The following PPP2CA variants were observed in gnomAD, a reference collection of about 807,000 sequenced individuals.
PPP2CA encodes serine/threonine-protein phosphatase 2A catalytic subunit alpha isoform.
Under a neutral mutation model 38.8 loss-of-function variants are expected in PPP2CA, and 5 were observed. The ratio of observed to expected loss-of-function variants is 0.13; its 90% CI spans 0.07 to 0.27. PPP2CA has a LOEUF of 0.27. Among genes scored for constraint, PPP2CA ranks in the 10% least tolerant of loss-of-function variants. PPP2CA has a pLI of 1.00. For synonymous variants in PPP2CA, 152 were observed against 134.0 expected (o/e 1.13, Z -0.93); for missense variants, 88 against 389.7 (o/e 0.23, Z 6.52).
chr5:134,204,937 ATT>A (rs5871527), intron 2 of PPP2CA, among the ~76,000 whole-genome samples: 9 of 138,676 alleles, frequency 6.5e-5, no homozygotes, highest in Admixed American at 2.2e-4. Flanking sequence ...CTTCCTCGAT[ATT>A]TTTTTTTTTT....
In PPP2CA at chr5:134,225,903, C is replaced by G. The variant is rs775586545; in HGVS notation, c.-42G>C. On this transcript the variant is annotated 5_prime_UTR_variant, in exon 1 of 7. Coordinates refer to ENST00000481195, the MANE Select transcript of PPP2CA (RefSeq NM_002715.4). ...GCCGGCTGCCGCTCCGCGCTGCTCCCGCGCCGCCGCCCGCACACGGGCCTA... is the reference window on the plus strand; with the variant it reads ...GCCGGCTGCCGCTCCGCGCTGCTCCGGCGCCGCCGCCCGCACACGGGCCTA... The G allele has an allele frequency of 6.3e-6, 10 of 1,576,440 alleles. No homozygotes were observed. Among genetic ancestry groups the G allele is most frequent in the Non-Finnish European group, 8.6e-6 (10 of 1,159,838 alleles).
rs73286521 is a variant in PPP2CA at position 134,222,737 on chromosome 5, T to C, written c.102+3023A>G. 6.9e-3 allele frequency among the ~76,000 whole-genome samples: 1,044 copies of C among 152,342 alleles called. 12 individuals carry two copies. Among genetic ancestry groups the C allele is most frequent in the African/African-American group, 0.024 (997 of 41,578 alleles). On this transcript the variant is annotated intron_variant, in intron 1 of 6. Coordinates refer to ENST00000481195, the MANE Select transcript of PPP2CA (RefSeq NM_002715.4). ...AAACATACCCGGCCAGTTATACTGA[T>C]GTAATGCTGATTATAGAACTGAGCC...
chr5:134,210,217 C>T (rs571686559), intron 1 of PPP2CA, among the ~76,000 whole-genome samples: 98 of 152,316 alleles, frequency 6.4e-4, no homozygotes, highest in African/African-American at 2.3e-3. Context: ...GGATCACCTC[C>T]AGAGCCTCCA....
At chr5:134,213,213 AATGT>A (rs1762244110) in intron 1 of PPP2CA, among the ~76,000 whole-genome samples, 1 of 152,212 alleles carries the variant, frequency 6.6e-6, no homozygotes, top group Admixed American at 6.6e-5. Flanking sequence ...GTTAGAGGCT[AATGT>A]AGCTGGTGAC....
chr5:134,216,691 C>T (rs953230030), intron 1 of PPP2CA, among the ~76,000 whole-genome samples: 10 of 151,818 alleles, frequency 6.6e-5, no homozygotes, highest in African/African-American at 1.7e-4. Flanking sequence ...TTTGTAGAAA[C>T]GGTGGTCTCA....
chr5:134,214,587 C>T (rs553201169), intron 1 of PPP2CA, among the ~76,000 whole-genome samples: 1 of 152,238 alleles, frequency 6.6e-6, no homozygotes, highest in East Asian at 1.9e-4. Flanking sequence ...ATTTAATTGG[C>T]ATTTTTCATT....
intron 1 of PPP2CA, among the ~76,000 whole-genome samples, chr5:134,208,472 T>C (rs568644759): frequency 3.9e-5 from 6 of 152,354 alleles, no homozygotes; most frequent in African/African-American, 1.2e-4. Flanking sequence ...TAAAATGAAA[T>C]GTTCCCTTTG....
intron 1 of PPP2CA, among the ~76,000 whole-genome samples, chr5:134,220,010 CAAAAA>C (rs10578851): frequency 1.2e-4 from 12 of 103,534 alleles, no homozygotes; most frequent in East Asian, 2.8e-4. Context: ...GGCTCCGTAT[CAAAAA>C]AAAAAAAAAA....
chr5:134,220,169 A>G (rs1762405516), intron 1 of PPP2CA, among the ~76,000 whole-genome samples: 1 of 151,836 alleles, frequency 6.6e-6, no homozygotes, highest in Admixed American at 6.6e-5. Context: ...TATTTAAAAC[A>G]AAAACAGGTC....
At chr5:134,199,040 C>T (rs767440267) in intron 6 of PPP2CA, 46 bp downstream of exon 6, 27 of 1,442,010 alleles carry the variant, frequency 1.9e-5, no homozygotes, top group Admixed American at 8.4e-5. Flanking sequence ...AACCAAAACC[C>T]TACATATTCA....
intron 2 of PPP2CA, among the ~76,000 whole-genome samples, chr5:134,202,691 T>A (rs1761993305): frequency 6.6e-6 from 1 of 152,238 alleles, no homozygotes; most frequent in Non-Finnish European, 1.5e-5. Context: ...GCTATAATCA[T>A]ATACATGGAA....
rs371039107 is a variant in PPP2CA at position 134,200,922 on chromosome 5, C to T, written c.576+63G>A. On this transcript the variant is annotated intron_variant, in intron 4 of 6. Coordinates refer to ENST00000481195, the MANE Select transcript of PPP2CA (RefSeq NM_002715.4). Reference sequence around the variant, plus strand: ...TGAGAGAATACATCTAATGAACTTACAATTAAACTTCTCCACTCCCTAATA... The same window carrying T: ...TGAGAGAATACATCTAATGAACTTATAATTAAACTTCTCCACTCCCTAATA... 1.1e-5 allele frequency: 15 copies of T among 1,308,394 alleles called. 1 individual carries two copies. Among genetic ancestry groups the T allele is most frequent in the African/African-American group, 1.0e-4 (7 of 68,198 alleles). 81.0% of individuals were successfully genotyped at this position (1,308,394 alleles called of 1,614,324 possible).
intron 6 of PPP2CA, among the ~76,000 whole-genome samples, chr5:134,198,160 G>A (rs1761893030): frequency 6.6e-6 from 1 of 152,168 alleles, no homozygotes; most frequent in Non-Finnish European, 1.5e-5. Flanking sequence ...GGAGGCTGAG[G>A]CGGGCGGATC....
Position 134,225,849 on chromosome 5 carries a change from C to T in PPP2CA, c.13G>A (p.Val5Met). 1 of 1,607,832 alleles carries T rather than the reference C, an allele frequency of 6.2e-7. No individual in the cohort carries two copies. Among genetic ancestry groups the T allele is most frequent in the Non-Finnish European group, 8.5e-7 (1 of 1,178,802 alleles). The change falls in exon 1 of 7, where the codon GTG becomes ATG. Residue 5 changes from valine (V) to methionine (M), a missense_variant. By Grantham distance (21) the Val-to-Met change is conservative. Coordinates refer to ENST00000481195, the MANE Select transcript of PPP2CA (RefSeq NM_002715.4). The stretch of plus-strand genomic sequence containing the variant: ...CACTGGTCCAGCTCCTTGGTGAACA[C>T]CTTCTCGTCCATGATGCCACCCGCC... MDEK[V>M]FTKELDQWIE...
At chr5:134,218,522 T>C (rs1030597869) in intron 1 of PPP2CA, among the ~76,000 whole-genome samples, 3 of 152,182 alleles carry the variant, frequency 2.0e-5, no homozygotes, top group African/African-American at 4.8e-5. Flanking sequence ...GAAGTTTTAA[T>C]CTACTACACA....
Position 134,225,898 on chromosome 5 carries a change from G to T in PPP2CA, c.-37C>A. 1 of 1,588,746 alleles carries T rather than the reference G, an allele frequency of 6.3e-7. No individual in the cohort carries two copies. The highest frequency in any genetic ancestry group is 8.5e-7 in the Non-Finnish European group (1 of 1,169,886). On this transcript the variant is annotated 5_prime_UTR_variant, in exon 1 of 7. Coordinates refer to ENST00000481195, the MANE Select transcript of PPP2CA (RefSeq NM_002715.4). ...CCCCAGCCGGCTGCCGCTCCGCGCTGCTCCCGCGCCGCCGCCCGCACACGG... is the reference window on the plus strand; with the variant it reads ...CCCCAGCCGGCTGCCGCTCCGCGCTTCTCCCGCGCCGCCGCCCGCACACGG...
chr5:134,203,017 C>G (rs1222285121), intron 2 of PPP2CA, among the ~76,000 whole-genome samples: 2 of 152,108 alleles, frequency 1.3e-5, no homozygotes, highest in Admixed American at 1.3e-4. Context: ...ACTCATGTAT[C>G]ATCTTCTTGG....
chr5:134,201,534 T>A (rs1327348361), intron 3 of PPP2CA, among the ~76,000 whole-genome samples: 2 of 152,210 alleles, frequency 1.3e-5, no homozygotes, highest in Non-Finnish European at 2.9e-5. Flanking sequence ...TGTGTGCACA[T>A]CTACCTAGGC....
At chr5:134,223,694 A>G (rs1021850671) in intron 1 of PPP2CA, among the ~76,000 whole-genome samples, 2 of 152,200 alleles carry the variant, frequency 1.3e-5, no homozygotes, top group African/African-American at 4.8e-5. Flanking sequence ...ATCCAGTATT[A>G]TCTTATCTTC....
Sources: allele counts gnomAD v4.1 joint callset (sites outside exome capture counted in the v4.1 genomes callset), GRCh38; gene constraint gnomAD v4.1.1; transcripts MANE v1.5; gene names NCBI Gene and HGNC (gene_info 2026-07-23, HGNC 2026-07-21).